CFAP77: variants seen among roughly 807,000 people sequenced by gnomAD.
The protein encoded by CFAP77 is cilia- and flagella-associated protein 77.
Under a neutral mutation model 31.1 loss-of-function variants are expected in CFAP77, and 25 were observed. The ratio of observed to expected loss-of-function variants is 0.80; its 90% CI spans 0.59 to 1.12. The LOEUF (loss-of-function observed/expected upper bound fraction) is 1.12. CFAP77 is among the 50% of genes most tolerant of loss of function. The pLI is 0.00. For synonymous variants in CFAP77, 151 were observed against 159.9 expected (o/e 0.94, Z 0.42); for missense variants, 377 against 397.3 (o/e 0.95, Z 0.44).
At chr9:132,453,859 A>G (rs183052151) in intron 1 of CFAP77, among the ~76,000 whole-genome samples, 1 of 152,342 alleles carries the variant, frequency 6.6e-6, no homozygotes, top group East Asian at 1.9e-4. Flanking sequence ...TCACATTTAC[A>G]ATACTTTCTT....
At chr9:132,546,890 C>T (rs1021617140) in intron 5 of CFAP77, among the ~76,000 whole-genome samples, 32 of 152,218 alleles carry the variant, frequency 2.1e-4, no homozygotes, top group East Asian at 1.9e-4. Flanking sequence ...AGTTCTTGAG[C>T]GTTCCTTCCA....
At position 132,424,959 on chromosome 9, in the gene CFAP77, C is replaced by T. The variant is rs571011630; in HGVS notation, c.195+14493C>T. Among the ~76,000 whole-genome samples the T allele has an allele frequency of 7.2e-5, 11 of 152,248 alleles. No individual in the cohort carries two copies. In the East Asian group the frequency reaches 1.4e-3, roughly 19 times the overall value. ...GCGCCAGCAATGAAAAGCACAGTCCCGCTCACCCTCGCAGTTAGTTAGCAT... is the reference window on the plus strand; with the variant it reads ...GCGCCAGCAATGAAAAGCACAGTCCTGCTCACCCTCGCAGTTAGTTAGCAT... On this transcript the variant is annotated intron_variant, in intron 1 of 5. Transcript: ENST00000393216. This position sits in a 1 kb window ranked among gnomAD's most constrained non-coding sequence, Gnocchi z 4.1.
At chr9:132,494,833 T>C (rs1403528502) in intron 1 of CFAP77, among the ~76,000 whole-genome samples, 4 of 152,252 alleles carry the variant, frequency 2.6e-5, no homozygotes, top group African/African-American at 7.2e-5. Context: ...AATAAGTTCC[T>C]ATTCAAGTAT....
rs558823279 is a variant in CFAP77, at chr9:132,431,637, G to T, written c.195+21171G>T. ...GAATCTAGATAACAGATGACTCAGT[G>T]ATCCTGAATATATACCAATAAAAGT... is the stretch of plus-strand genomic sequence containing the variant. On this transcript the variant is annotated intron_variant, in intron 1 of 5. Transcript: ENST00000393216. Among the ~76,000 whole-genome samples the T allele has an allele frequency of 2.6e-5, 4 of 152,292 alleles. 1 individual carries two copies. In the East Asian group the frequency reaches 7.7e-4, roughly 29 times the overall value.
chr9:132,541,387 G>C (rs1011717768), intron 4 of CFAP77, among the ~76,000 whole-genome samples: 11 of 152,184 alleles, frequency 7.2e-5, no homozygotes, highest in Admixed American at 6.5e-4. Flanking sequence ...CATAACCCCC[G>C]ACTAGACAGC....
rs1229508239 is a variant in CFAP77, at chr9:132,498,682, C to T, written c.196-13C>T. The T allele has an allele frequency of 1.9e-6, 3 of 1,600,928 alleles. No individual in the cohort carries two copies. Among genetic ancestry groups the T allele is most frequent in the East Asian group, 4.5e-5 (2 of 44,742 alleles). The stretch of plus-strand genomic sequence containing the variant: ...CCACTCCTCACCTCTGCTCTCTGTC[C>T]TTCCCCCGACAGGCTGAACTCGGCA... On this transcript the variant is annotated splice_polypyrimidine_tract_variant and intron_variant, in intron 1 of 5. Coordinates refer to ENST00000393216, the MANE Select transcript of CFAP77 (RefSeq NM_001282957.2). This position sits in a 1 kb window ranked among gnomAD's most constrained non-coding sequence, Gnocchi z 4.2.
intron 3 of CFAP77, among the ~76,000 whole-genome samples, chr9:132,502,134 G>A (rs1468540729): frequency 1.3e-5 from 2 of 152,036 alleles, no homozygotes; most frequent in African/African-American, 2.4e-5. Flanking sequence ...GCCCATCTGC[G>A]TGGCAGCATC....
chr9:132,414,544 G>A (rs968501784), intron 1 of CFAP77, among the ~76,000 whole-genome samples: 81 of 145,828 alleles, frequency 5.6e-4, no homozygotes, highest in Non-Finnish European at 3.2e-4. Flanking sequence ...CACACACGCA[G>A]GTATGCACAA....
chr9:132,444,017 C>A lies in CFAP77; in HGVS notation c.195+33551C>A, dbSNP rs145756101. 1.1e-3 allele frequency among the ~76,000 whole-genome samples: 164 copies of A among 152,358 alleles called. 3 individuals are homozygous for A. In the East Asian group the frequency reaches 0.028, roughly 26 times the overall value. ...CTGGGCCCTGGATAGATGACAGTGG[C>A]CCTCCCGGGCCCACAGGCCAGGCTT... is the stretch of plus-strand genomic sequence containing the variant. On this transcript the variant is annotated intron_variant, in intron 1 of 5. Transcript: ENST00000393216.
intron 1 of CFAP77, among the ~76,000 whole-genome samples, chr9:132,493,033 T>C (rs895737594): frequency 3.3e-5 from 5 of 152,132 alleles, no homozygotes; most frequent in Admixed American, 3.3e-4. Context: ...GCGCTTTGCA[T>C]GTAGGAGTCC....
Position 132,418,671 on chromosome 9 carries a change from G to A in CFAP77, c.195+8205G>A, listed in dbSNP as rs569004584. On this transcript the variant is annotated intron_variant, in intron 1 of 5. Coordinates refer to ENST00000393216, the MANE Select transcript of CFAP77 (RefSeq NM_001282957.2). ...AATCTCTAGCCTCACCCATGTTGTC[G>A]TTTAAAAAAATAAAAAGCATTTCTA... Among the ~76,000 whole-genome samples the A allele has an allele frequency of 3.9e-5, 6 of 152,174 alleles. No individual in the cohort carries two copies. In the South Asian group the frequency reaches 6.2e-4, roughly 16 times the overall value.
At chr9:132,528,512 TAATTAA>T (rs1007024217) in intron 3 of CFAP77, among the ~76,000 whole-genome samples, 2 of 148,862 alleles carry the variant, frequency 1.3e-5, no homozygotes, top group Admixed American at 6.7e-5. Context: ...AAATGGGATC[TAATTAA>T]ACTAAACAGC....
rs376546003 is a variant in CFAP77, at chr9:132,498,450, G to A, written c.196-245G>A. Among the ~76,000 whole-genome samples the A allele has an allele frequency of 1.1e-3, 162 of 152,100 alleles. No individual in the cohort carries two copies. Among genetic ancestry groups the A allele is most frequent in the Non-Finnish European group, 1.9e-3 (131 of 67,976 alleles). On this transcript the variant is annotated intron_variant, in intron 1 of 5. Coordinates refer to ENST00000393216, the MANE Select transcript of CFAP77 (RefSeq NM_001282957.2). This position sits in a 1 kb window ranked among gnomAD's most constrained non-coding sequence, Gnocchi z 4.2. ...ATACACATGTACCGAGAGGCCCCCC[G>A]TCTCTGATGTCTTCACTTGCCTTCA...
At chr9:132,459,782 G>GTGTGTGTATGAGTGTGTGTGAGAGCT (rs1851014061) in intron 1 of CFAP77, among the ~76,000 whole-genome samples, 5 of 150,932 alleles carry the variant, frequency 3.3e-5, no homozygotes, top group African/African-American at 4.9e-5. Context: ...GTGTGAGAGC[G>GTGTGTGTATGAGTGTGTGTGAGAGCT]TGTGTGTATG....
rs117252798 is a variant in CFAP77 at position 132,451,961 on chromosome 9, T to G, written c.195+41495T>G. ...CTGGGACTACAGGTGTGTGCCACTATGCCCGACTAATTTTTTATATTTTTA... is the reference window on the plus strand; with the variant it reads ...CTGGGACTACAGGTGTGTGCCACTAGGCCCGACTAATTTTTTATATTTTTA... On this transcript the variant is annotated intron_variant, in intron 1 of 5. Transcript: ENST00000393216. 2.0e-5 allele frequency among the ~76,000 whole-genome samples: 3 copies of G among 152,058 alleles called. No individual in the cohort carries two copies. The East Asian group carries it at 5.8e-4, about 29-fold the overall frequency.
chr9:132,464,317 C>T (rs531337490), intron 1 of CFAP77, among the ~76,000 whole-genome samples: 30 of 151,924 alleles, frequency 2.0e-4, no homozygotes, highest in Admixed American at 3.9e-4. Flanking sequence ...ATTTTACAAG[C>T]GAGGATACCA....
At chr9:132,425,056 T>A (rs538761348) in intron 1 of CFAP77, among the ~76,000 whole-genome samples, 1 of 152,306 alleles carries the variant, frequency 6.6e-6, no homozygotes, top group African/African-American at 2.4e-5. Flanking sequence ...AGGGATTAAT[T>A]TCTTTAACCA....
At chr9:132,553,640 A>T (rs1852854567) in intron 5 of CFAP77, among the ~76,000 whole-genome samples, 1 of 152,054 alleles carries the variant, frequency 6.6e-6, no homozygotes, top group African/African-American at 2.4e-5. Flanking sequence ...GTCAGATACC[A>T]TTTCTTCATA....
At chr9:132,459,153 G>T (rs1850985900) in intron 1 of CFAP77, among the ~76,000 whole-genome samples, 1 of 150,708 alleles carries the variant, frequency 6.6e-6, no homozygotes. Flanking sequence ...CTCACTGCAA[G>T]CTCCGCCTCC....
Sources: gnomAD v4.1 joint callset for allele counts (sites outside exome capture counted in the v4.1 genomes callset) on GRCh38, gnomAD v4.1.1 for gene constraint, Gnocchi (gnomAD v3.1) non-coding constraint, MANE v1.5 for transcripts, NCBI Gene and HGNC (gene_info 2026-07-23, HGNC 2026-07-21) for gene names.